The following NRXN2 variants were observed in gnomAD, a reference collection of about 807,000 sequenced individuals.
The protein encoded by NRXN2 is neurexin 2.
NRXN2 carries 29 observed loss-of-function variants against 128.8 expected under a neutral mutation model. That is an observed-to-expected ratio of 0.23 (90% CI 0.17 to 0.31). The LOEUF is 0.31. Ranked by LOEUF, NRXN2 falls within the 10% of genes least tolerant of loss-of-function variation. The pLI, the probability that NRXN2 is intolerant of heterozygous loss-of-function variation, is 1.00. For missense variants in NRXN2, 1,881 were observed against 2,452.6 expected, an observed-to-expected ratio of 0.77 and a Z score of 4.92; for synonymous variants, 1,098 against 1,075.2, an observed-to-expected ratio of 1.02 and a Z score of -0.41.
At position 64,648,868 on chromosome 11, in the gene NRXN2, C is replaced by A; in HGVS notation, c.3149G>T (p.Ser1050Ile). The A allele has an allele frequency of 1.2e-6, 2 of 1,614,188 alleles. No individual in the cohort carries two copies. Residue 1050 changes from serine (S) to isoleucine (I), a missense_variant, in exon 16 of 23, where the codon AGC (serine) becomes ATC (isoleucine). Coordinates refer to ENST00000265459, the MANE Select transcript of NRXN2 (RefSeq NM_015080.4). The surrounding 1 kb of genome is among the most constrained non-coding windows in gnomAD (Gnocchi z 4.1). ...YIGGLSKNMF[S>I]NLPKLVASRD... is the part of the protein sequence containing the mutation. ...GGAGGCCACCAGCTTGGGCAGGTTG[C>A]TGAACATATTCTTGCTCAGACCGCC...
rs2047410120 is a variant in NRXN2 at position 64,651,153 on chromosome 11, G to T, written c.2918+102C>A. 2.0e-6 allele frequency: 3 copies of T among 1,490,268 alleles called. No individual in the cohort carries two copies. Among genetic ancestry groups the T allele is most frequent in the Non-Finnish European group, 1.9e-6 (2 of 1,078,880 alleles). 92.3% of individuals were successfully genotyped at this position (1,490,268 alleles called of 1,614,324 possible). A position where few individuals can be genotyped will look rare whatever the true frequency, so the allele number is the denominator to read the frequency against. On this transcript the variant is annotated intron_variant, in intron 14 of 22. Transcript: ENST00000265459. The surrounding 1 kb of genome is among the most constrained non-coding windows in gnomAD (Gnocchi z 5.9). Reference sequence around the variant, plus strand: ...GGACCTGAATCTTGACTTGTGATCTGGGGGGATTGGACACCTCGGCCAGTA... The same window carrying T: ...GGACCTGAATCTTGACTTGTGATCTTGGGGGATTGGACACCTCGGCCAGTA...
Position 64,690,441 on chromosome 11 carries a change from TC to T in NRXN2, c.813del (p.Arg272GlufsTer55). The T allele has an allele frequency of 1.9e-6, 3 of 1,613,222 alleles. No homozygotes were observed. Among genetic ancestry groups the T allele is most frequent in the Non-Finnish European group, 2.5e-6 (3 of 1,179,838 alleles). On this transcript the variant is annotated frameshift_variant, in exon 5 of 23. Transcript: ENST00000265459. LOFTEE classifies it high-confidence loss of function. Reference sequence around the variant, plus strand: ...TGGTGCACATCGCCGGCTCCTCCTCTCCCGGCCCCCCCCTCGGAGAACAGTA... The same window carrying T: ...TGGTGCACATCGCCGGCTCCTCCTCTCCGGCCCCCCCCTCGGAGAACAGTA... ...GSLLFSEGGA[G>X]RGGAGDVHQP...
chr11:64,627,462 TCTC>T (rs1363107635), intron 19 of NRXN2, among the ~76,000 whole-genome samples: 1 of 151,720 alleles, frequency 6.6e-6, no homozygotes, highest in Admixed American at 6.6e-5. Context: ...CCCAGTTTCT[TCTC>T]CTTGCTGTCT....
chr11:64,650,031 C>T (rs999435756), intron 15 of NRXN2, among the ~76,000 whole-genome samples: 1 of 152,102 alleles, frequency 6.6e-6, no homozygotes, highest in African/African-American at 2.4e-5. Flanking sequence ...ACAGGTGACT[C>T]GGGGACTCTA....
intron 20 of NRXN2, 100 bp downstream of exon 20, chr11:64,626,363 G>A: frequency 2.2e-6 from 2 of 894,792 alleles, no homozygotes; most frequent in Non-Finnish European, 3.5e-6. Flanking sequence ...ACTTGGGGGT[G>A]GGCATTGGTG....
chr11:64,664,476 G>A (rs1200011515), intron 9 of NRXN2, among the ~76,000 whole-genome samples: 1 of 108,114 alleles, frequency 9.2e-6, no homozygotes, highest in African/African-American at 4.8e-5. Flanking sequence ...GAAACTCCGT[G>A]TCAAAAAAAA....
At chr11:64,688,155 C>T (rs2053324736) in intron 5 of NRXN2, among the ~76,000 whole-genome samples, 1 of 152,140 alleles carries the variant, frequency 6.6e-6, no homozygotes, top group Non-Finnish European at 1.5e-5. Flanking sequence ...GGGTCTGGGG[C>T]TGGACAGTGG....
intron 17 of NRXN2, among the ~76,000 whole-genome samples, chr11:64,638,291 G>A (rs1044629589): frequency 6.6e-6 from 1 of 152,238 alleles, no homozygotes; most frequent in Non-Finnish European, 1.5e-5. Flanking sequence ...GGGGGACTGG[G>A]CGGAGAGACA....
intron 6 of NRXN2, among the ~76,000 whole-genome samples, chr11:64,681,856 G>A (rs2052339189): frequency 6.6e-6 from 1 of 152,170 alleles, no homozygotes; most frequent in Non-Finnish European, 1.5e-5. Context: ...GAGACAGGGT[G>A]TACACCATGC....
At chr11:64,613,778 T>G (rs986200244) in intron 22 of NRXN2, among the ~76,000 whole-genome samples, 1 of 152,192 alleles carries the variant, frequency 6.6e-6, no homozygotes, top group Non-Finnish European at 1.5e-5. Context: ...GCACCAGAAA[T>G]GGATGTCACG....
At chr11:64,615,842 G>GCA (rs2135293011) in intron 22 of NRXN2, among the ~76,000 whole-genome samples, 1 of 104,192 alleles carries the variant, frequency 9.6e-6, no homozygotes, top group South Asian at 3.7e-4. Context: ...GTGTGTGTGT[G>GCA]TGTGTGTGTG....
At chr11:64,696,958 G>A (rs1195103027) in intron 3 of NRXN2, among the ~76,000 whole-genome samples, 3 of 152,222 alleles carry the variant, frequency 2.0e-5, no homozygotes, top group Admixed American at 2.0e-4. Context: ...TTCAGAGAAT[G>A]ACAGAAACCC....
At chr11:64,638,138 G>A (rs1198481458) in intron 17 of NRXN2, among the ~76,000 whole-genome samples, 4 of 152,144 alleles carry the variant, frequency 2.6e-5, no homozygotes, top group Non-Finnish European at 5.9e-5. Context: ...GGGCGCACGC[G>A]TCCCCGCCCC....
intron 22 of NRXN2, among the ~76,000 whole-genome samples, chr11:64,610,372 C>G (rs1219556054): frequency 6.6e-6 from 1 of 152,148 alleles, no homozygotes; most frequent in Non-Finnish European, 1.5e-5. Flanking sequence ...GGCAGGACTT[C>G]CCAAGATCAC....
chr11:64,663,370 T>C (rs2049329664), intron 9 of NRXN2, among the ~76,000 whole-genome samples: 1 of 146,992 alleles, frequency 6.8e-6, no homozygotes, highest in Non-Finnish European at 1.5e-5. Context: ...AGCAAAACTC[T>C]GACTCAAAAA....
chr11:64,672,819 C>G (rs544264896), intron 7 of NRXN2, among the ~76,000 whole-genome samples: 1 of 152,068 alleles, frequency 6.6e-6, no homozygotes, highest in African/African-American at 2.4e-5. Context: ...ACCAGAGACT[C>G]GGGTTGGAAA....
At position 64,607,030 on chromosome 11, in the gene NRXN2, G is replaced by T; in HGVS notation, c.*166C>A. On this transcript the variant is annotated 3_prime_UTR_variant, in exon 23 of 23. Transcript: ENST00000265459. ...GCGCAGTGGACGGCAGGAGGAAGGG[G>T]GCGAGCACGGGGTTTTTCCTTTTCT... is the stretch of plus-strand genomic sequence containing the variant. 1 of 716,440 alleles carries T rather than the reference G, an allele frequency of 1.4e-6. No individual in the cohort carries two copies. Among genetic ancestry groups the T allele is most frequent in the Non-Finnish European group, 2.2e-6 (1 of 444,712 alleles). The allele number at this position is 716,440 out of a possible 1,614,324, so 44.4% of individuals were successfully genotyped here. A position where few individuals can be genotyped will look rare whatever the true frequency, so the allele number is the denominator to read the frequency against.
At chr11:64,643,238 A>G (rs2046036017) in intron 17 of NRXN2, 3 of 971,880 alleles carry the variant, frequency 3.1e-6, no homozygotes, top group African/African-American at 1.9e-5. Context: ...GGGCTGGAGG[A>G]GAGAAGAGGG....
intron 9 of NRXN2, among the ~76,000 whole-genome samples, chr11:64,666,999 G>A (rs188210878): frequency 1.1e-4 from 17 of 152,318 alleles, no homozygotes; most frequent in African/African-American, 3.6e-4. Context: ...AGGAAACAGA[G>A]TCTCACATGC....
Sources: allele counts gnomAD v4.1 joint callset (sites outside exome capture counted in the v4.1 genomes callset), GRCh38; gene constraint gnomAD v4.1.1; non-coding constraint Gnocchi (gnomAD v3.1); transcripts MANE v1.5; gene names NCBI Gene and HGNC (gene_info 2026-07-23, HGNC 2026-07-21).